Variants in CCT8 observed in about 807,000 individuals in gnomAD.
The protein encoded by CCT8 is T-complex protein 1 subunit theta.
In CCT8, 10 loss-of-function variants were observed where a neutral mutation model predicts 65.7. The ratio of observed to expected loss-of-function variants is 0.15; its 90% confidence interval spans 0.09 to 0.26. The LOEUF (loss-of-function observed/expected upper bound fraction) is 0.26, where lower values mean the gene tolerates loss of function less well. Among genes scored for constraint, CCT8 ranks in the 10% least tolerant of loss-of-function variants. The pLI, the probability that CCT8 is intolerant of heterozygous loss-of-function variation, is 1.00. For synonymous variants in CCT8, 199 were observed against 221.8 expected, an observed-to-expected ratio of 0.90 and a Z score of 0.92; for missense variants, 568 against 669.1, an observed-to-expected ratio of 0.85 and a Z score of 1.67.
At chr21:29,067,215 T>C (rs1012656936) in intron 4 of CCT8, 144 bp from the exon 5 acceptor site, 6 of 585,264 alleles carry the variant, frequency 1.0e-5, no homozygotes, top group East Asian at 3.0e-5. Context: ...CTACTAGTTA[T>C]GAATGGAGGC....
intron 6 of CCT8, 68 bp downstream of exon 6, chr21:29,066,648 C>G (rs1402650675): frequency 2.0e-6 from 2 of 988,478 alleles, no homozygotes; most frequent in Non-Finnish European, 2.9e-6. Flanking sequence ...TTTTTTTGCA[C>G]AAAAAAACAA....
chr21:29,062,269 T>C, intron 10 of CCT8, 26 bp from the exon 11 acceptor site: 6 of 1,606,784 alleles, frequency 3.7e-6, no homozygotes, highest in Non-Finnish European at 5.1e-6. Flanking sequence ...ATATATTTGG[T>C]GATTAAATAC....
At position 29,062,428 on chromosome 21, in the gene CCT8, G is replaced by A. The variant is rs755357363; in HGVS notation, c.1009-13C>T. ...GGACAGGAGGTGTCTGTAAGAAAGTGACTGTTGTAATAAAAATTCCATCTT... is the reference window on the plus strand; with the variant it reads ...GGACAGGAGGTGTCTGTAAGAAAGTAACTGTTGTAATAAAAATTCCATCTT... On this transcript the variant is annotated splice_polypyrimidine_tract_variant and intron_variant, in intron 9 of 14. Transcript: ENST00000286788. 3.7e-6 allele frequency: 6 copies of A among 1,611,842 alleles called. No individual in the cohort carries two copies. The highest frequency in any genetic ancestry group is 5.1e-6 in the Non-Finnish European group (6 of 1,178,102).
chr21:29,056,502 T>C lies in CCT8; in HGVS notation c.1620A>G (p.Lys540=). 6.5e-7 allele frequency: 1 copy of C among 1,539,954 alleles called. No homozygotes were observed. Among genetic ancestry groups the C allele is most frequent in the Non-Finnish European group, 8.8e-7 (1 of 1,142,490 alleles). Residue 540 remains lysine, a synonymous_variant, in exon 15 of 15, where the codon AAA becomes AAG. Coordinates refer to ENST00000286788, the MANE Select transcript of CCT8 (RefSeq NM_006585.4). ...AATCATTTTGGTCATCATCCCAGTC[T>C]TTCTTCCCACTTGGAGGCTTGGGCC... is the stretch of plus-strand genomic sequence containing the variant. ...AGGPKPPSGK[K]DWDDDQND
intron 11 of CCT8, 118 bp from the exon 12 acceptor site, chr21:29,061,685 A>C (rs2085566164): frequency 9.9e-7 from 1 of 1,014,152 alleles, no homozygotes; most frequent in Admixed American, 2.2e-5. Context: ...AGTTTTTATC[A>C]GTCATTGTTA....
chr21:29,071,964 C>G, intron 1 of CCT8: 1 of 702,340 alleles, frequency 1.4e-6, no homozygotes, highest in Non-Finnish European at 2.6e-6. Context: ...TTCTTCCTTT[C>G]TTTGGTAAGC....
At chr21:29,059,997 T>C (rs536962568) in intron 14 of CCT8, 4 of 152,150 alleles carry the variant, frequency 2.6e-5, no homozygotes, top group South Asian at 4.1e-4. Flanking sequence ...GAAATGTATT[T>C]AATTAAGTTT....
At chr21:29,068,741 A>C (rs1441903335) in intron 3 of CCT8, among the ~76,000 whole-genome samples, 2 of 152,254 alleles carry the variant, frequency 1.3e-5, no homozygotes, top group African/African-American at 2.4e-5. Context: ...GTGGGATTAC[A>C]GGCGTGAGCC....
chr21:29,073,128 A>G (rs1292621320), intron 1 of CCT8: 7 of 338,880 alleles, frequency 2.1e-5, no homozygotes, highest in Non-Finnish European at 3.0e-5. Flanking sequence ...CCATCCTACA[A>G]CTCGCGAGCT....
chr21:29,067,432 TG>T, intron 4 of CCT8, 123 bp downstream of exon 4: 1 of 670,436 alleles, frequency 1.5e-6, no homozygotes, highest in Non-Finnish European at 2.3e-6. Flanking sequence ...CTATAATGGC[TG>T]GTACAGAGCA....
intron 3 of CCT8, among the ~76,000 whole-genome samples, chr21:29,068,025 C>T (rs1381348631): frequency 6.6e-6 from 1 of 152,148 alleles, no homozygotes; most frequent in Admixed American, 6.5e-5. Flanking sequence ...TTACAACCAC[C>T]AAACCTAGAT....
At chr21:29,067,498 A>T in intron 4 of CCT8, 58 bp downstream of exon 4, 1 of 1,317,936 alleles carries the variant, frequency 7.6e-7, no homozygotes, top group Non-Finnish European at 1.0e-6. Context: ...TTTATGTTTT[A>T]AGCAGGTGTA....
chr21:29,071,656 GA>G (rs2085681583), intron 1 of CCT8, among the ~76,000 whole-genome samples: 2 of 152,080 alleles, frequency 1.3e-5, no homozygotes, highest in Admixed American at 6.5e-5. Context: ...CCAGTGTTGG[GA>G]TTACAGGTGT....
chr21:29,058,984 G>A (rs1415570019), intron 14 of CCT8, among the ~76,000 whole-genome samples: 1 of 152,002 alleles, frequency 6.6e-6, no homozygotes, highest in African/African-American at 2.4e-5. Context: ...TGTGATCACA[G>A]CTCACTGCAG....
At chr21:29,073,321 G>A (rs1000322092) in intron 1 of CCT8, 5 of 1,412,472 alleles carry the variant, frequency 3.5e-6, no homozygotes, top group African/African-American at 2.9e-5. Flanking sequence ...CCGATCCCTC[G>A]GCCTTCTCCC....
At chr21:29,068,616 C>G (rs151238441) in intron 3 of CCT8, among the ~76,000 whole-genome samples, 1 of 152,072 alleles carries the variant, frequency 6.6e-6, no homozygotes, top group East Asian at 1.9e-4. Flanking sequence ...TGTGCCACCA[C>G]GCCCGGCTGA....
intron 1 of CCT8, among the ~76,000 whole-genome samples, chr21:29,071,539 G>C (rs2085680124): frequency 6.6e-6 from 1 of 151,870 alleles, no homozygotes; most frequent in African/African-American, 2.4e-5. Context: ...GGGATTAGAG[G>C]TGCGCGCCAC....
At chr21:29,072,123 G>C (rs551247274) in intron 1 of CCT8, 1 of 606,970 alleles carries the variant, frequency 1.6e-6, no homozygotes. Context: ...CAGGCTCAGG[G>C]GCTTCTCTCA....
rs372863710 is a variant in CCT8 at position 29,063,356 on chromosome 21, C to G, written c.937G>C (p.Val313Leu). The change falls in exon 8 of 15, where the codon GTG (valine) becomes CTG (leucine). Residue 313 changes from valine to leucine, a missense_variant. Val to Leu is a conservative substitution (Grantham distance 32). Coordinates refer to ENST00000286788, the MANE Select transcript of CCT8 (RefSeq NM_006585.4). ...HYANKYNIMLVRLNSKWDLRR... is the reference protein window; with the variant it reads ...HYANKYNIMLLRLNSKWDLRR... ...AAAAAATCGGCTTTTTCTTACCTCACTAACATGATATTATATTTATTTGCA... is the reference window on the plus strand; with the variant it reads ...AAAAAATCGGCTTTTTCTTACCTCAGTAACATGATATTATATTTATTTGCA... 1.1e-5 allele frequency: 17 copies of G among 1,609,726 alleles called. No homozygotes were observed. The East Asian group carries it at 3.6e-4, about 34-fold the overall frequency.
Sources: allele counts gnomAD v4.1 joint callset (sites outside exome capture counted in the v4.1 genomes callset), GRCh38; gene constraint gnomAD v4.1.1; transcripts MANE v1.5; gene names NCBI Gene and HGNC (gene_info 2026-07-23, HGNC 2026-07-21).